PBX1: variants seen among roughly 807,000 people sequenced by gnomAD.
PBX1 encodes pre-B-cell leukemia transcription factor 1.
PBX1 carries 6 observed loss-of-function variants against 53.4 expected under a neutral mutation model. The ratio of observed to expected loss-of-function variants is 0.11; its 90% confidence interval spans 0.06 to 0.22. The LOEUF (loss-of-function observed/expected upper bound fraction) is 0.22, where lower values mean the gene tolerates loss of function less well. Ranked by LOEUF, PBX1 falls within the 10% of genes least tolerant of loss-of-function variation. The pLI, the probability that PBX1 is intolerant of heterozygous loss-of-function variation, is 1.00. For missense variants in PBX1, 251 were observed against 551.4 expected (o/e 0.46, Z 5.46); for synonymous variants, 204 against 212.3 (o/e 0.96, Z 0.34).
intron 2 of PBX1, among the ~76,000 whole-genome samples, chr1:164,731,582 C>G (rs1387391): frequency 6.6e-6 from 1 of 152,132 alleles, no homozygotes; most frequent in Non-Finnish European, 1.5e-5. Context: ...AAACAACATG[C>G]AAATGAGGCT....
intron 2 of PBX1, among the ~76,000 whole-genome samples, chr1:164,616,798 G>T (rs1350373379): frequency 6.6e-6 from 1 of 152,174 alleles, no homozygotes; most frequent in Admixed American, 6.5e-5. Flanking sequence ...TACTCATCAT[G>T]TGCTAGGCAT....
rs1015357293 is a variant in PBX1 at position 164,848,948 on chromosome 1, G to T, written c.*2272G>T. The T allele has an allele frequency of 2.4e-5, 26 of 1,080,214 alleles. No individual in the cohort carries two copies. Among genetic ancestry groups the T allele is most frequent in the Non-Finnish European group, 2.7e-5 (24 of 889,378 alleles). The allele number at this position is 1,080,214 out of a possible 1,614,324, so 66.9% of individuals were successfully genotyped here. A position where few individuals can be genotyped will look rare whatever the true frequency, so the allele number is the denominator to read the frequency against. On this transcript the variant is annotated 3_prime_UTR_variant, in exon 9 of 9. Coordinates refer to ENST00000420696, the MANE Select transcript of PBX1 (RefSeq NM_002585.4). ...GAAATTATGCCTTGATGACTAAAAG[G>T]CACTAGAAAGGTTGTGTCTACTAAC... is the stretch of plus-strand genomic sequence containing the variant.
chr1:164,625,268 G>A (rs893520326), intron 2 of PBX1, among the ~76,000 whole-genome samples: 15 of 152,140 alleles, frequency 9.9e-5, no homozygotes, highest in South Asian at 6.2e-4. Context: ...GCTTCTTGAC[G>A]GATAAAGACA....
intron 2 of PBX1, among the ~76,000 whole-genome samples, chr1:164,782,231 A>T (rs1667968821): frequency 6.6e-6 from 1 of 152,126 alleles, no homozygotes; most frequent in Non-Finnish European, 1.5e-5. Flanking sequence ...GGATGGAGTG[A>T]TTTAGAGTAC....
chr1:164,862,834 G>C (rs547732742), intron 2 of PBX1, among the ~76,000 whole-genome samples: 1 of 152,296 alleles, frequency 6.6e-6, no homozygotes, highest in South Asian at 2.1e-4. Flanking sequence ...GAAGATTCCA[G>C]GAAGCAGGGA....
At chr1:164,580,870 CACCTG>C (rs1654570536) in intron 2 of PBX1, among the ~76,000 whole-genome samples, 1 of 152,170 alleles carries the variant, frequency 6.6e-6, no homozygotes, top group African/African-American at 2.4e-5. Flanking sequence ...TGAGCCACCG[CACCTG>C]GCTCTAGAAT....
chr1:164,707,864 C>A (rs1397637031), intron 2 of PBX1, among the ~76,000 whole-genome samples: 1 of 152,186 alleles, frequency 6.6e-6, no homozygotes, highest in South Asian at 2.1e-4. Flanking sequence ...AAGAACCAAG[C>A]AAATGCTTTC....
chr1:164,766,820 G>A (rs923922935), intron 2 of PBX1, among the ~76,000 whole-genome samples: 5 of 150,544 alleles, frequency 3.3e-5, no homozygotes, highest in Admixed American at 6.6e-5. Context: ...TTTGCCTCCC[G>A]GGTTCAAGCG....
intron 2 of PBX1, among the ~76,000 whole-genome samples, chr1:164,653,706 G>A (rs1387785196): frequency 6.6e-6 from 1 of 152,178 alleles, no homozygotes; most frequent in Non-Finnish European, 1.5e-5. Context: ...GGAAGCGGAG[G>A]TTGCGGTGAG....
intron 2 of PBX1, chr1:164,703,375 G>T (rs576376913): frequency 6.7e-6 from 1 of 149,224 alleles, no homozygotes; most frequent in Non-Finnish European, 1.5e-5. Context: ...GTGGAAAGCC[G>T]AGCAACTTCA....
At chr1:164,755,998 GAA>G (rs370503258) in intron 2 of PBX1, among the ~76,000 whole-genome samples, 5 of 125,004 alleles carry the variant, frequency 4.0e-5, no homozygotes, top group Non-Finnish European at 3.3e-5. Flanking sequence ...CCCGATTCAG[GAA>G]AAAAAAAAAA....
At chr1:164,794,643 TGAC>T (rs1668697419) in intron 3 of PBX1, among the ~76,000 whole-genome samples, 1 of 152,212 alleles carries the variant, frequency 6.6e-6, no homozygotes, top group Non-Finnish European at 1.5e-5. Context: ...TCCCCAACCA[TGAC>T]CATCATTTAG....
Position 164,799,784 on chromosome 1 carries a change from G to A in PBX1, c.596G>A (p.Arg199Gln), listed in dbSNP as rs1433896828. Reference protein sequence around the residue: ...TRPISPKEIERMVSIIHRKFS... With the variant: ...TRPISPKEIEQMVSIIHRKFS... ...CCCATCTCCCCAAAGGAGATTGAGC[G>A]GATGGTCAGCATCATCCACCGCAAG... Residue 199 changes from arginine (R) to glutamine (Q), a missense_variant, in exon 4 of 9, where the codon CGG becomes CAG. Physicochemically the swap from Arg to Gln is conservative, Grantham distance 43. Transcript: ENST00000420696. 1.2e-6 allele frequency: 2 copies of A among 1,614,074 alleles called. No individual in the cohort carries two copies. Among genetic ancestry groups the A allele is most frequent in the South Asian group, 2.2e-5 (2 of 91,070 alleles).
intron 2 of PBX1, among the ~76,000 whole-genome samples, chr1:164,777,456 G>C (rs1392147321): frequency 6.6e-6 from 1 of 152,144 alleles, no homozygotes; most frequent in African/African-American, 2.4e-5. Flanking sequence ...GAGGTTTTAA[G>C]GGTCGAGAGA....
intron 2 of PBX1, among the ~76,000 whole-genome samples, chr1:164,725,571 T>A (rs1220752322): frequency 6.6e-6 from 1 of 152,096 alleles, no homozygotes; most frequent in Non-Finnish European, 1.5e-5. Flanking sequence ...CCACTGGTGG[T>A]TTGCCAAACT....
At chr1:164,711,863 A>T (rs1183079303) in intron 2 of PBX1, among the ~76,000 whole-genome samples, 2 of 152,206 alleles carry the variant, frequency 1.3e-5, no homozygotes, top group Non-Finnish European at 2.9e-5. Context: ...TGTGGCCTTC[A>T]CAGGCCGAGG....
At chr1:164,745,981 C>T (rs898542800) in intron 2 of PBX1, among the ~76,000 whole-genome samples, 2 of 152,234 alleles carry the variant, frequency 1.3e-5, no homozygotes, top group Non-Finnish European at 2.9e-5. Context: ...CAAACAGTCA[C>T]TGACCTGTTG....
chr1:164,644,154 T>G (rs1405069932), intron 2 of PBX1, among the ~76,000 whole-genome samples: 2 of 152,218 alleles, frequency 1.3e-5, no homozygotes, highest in Non-Finnish European at 2.9e-5. Context: ...TAAAAAAGGC[T>G]GGCCAGCTGC....
intron 8 of PBX1, among the ~76,000 whole-genome samples, chr1:164,825,659 A>G (rs981527239): frequency 1.3e-5 from 2 of 152,184 alleles, no homozygotes; most frequent in African/African-American, 2.4e-5. Context: ...TTCTCTGAGA[A>G]TAAGATTCAA....
Sources: gnomAD v4.1 joint callset for allele counts (sites outside exome capture counted in the v4.1 genomes callset) on GRCh38, gnomAD v4.1.1 for gene constraint, MANE v1.5 for transcripts, NCBI Gene and HGNC (gene_info 2026-07-23, HGNC 2026-07-21) for gene names.